Variants in OTUD7A observed in about 807,000 individuals in gnomAD.
The protein encoded by OTUD7A is OTU domain-containing protein 7A.
OTUD7A carries 12 observed loss-of-function variants against 65.7 expected under a neutral mutation model. That is an observed-to-expected ratio of 0.18 (90% CI 0.12 to 0.30). The LOEUF is 0.30. OTUD7A is among the 10% of genes least tolerant of loss of function. The pLI is 1.00. For synonymous variants in OTUD7A, 641 were observed against 586.3 expected (o/e 1.09, Z -1.35); for missense variants, 1,148 against 1,304.8 (o/e 0.88, Z 1.85).
intron 3 of OTUD7A, among the ~76,000 whole-genome samples, chr15:31,641,280 T>TC (rs1392048833): frequency 6.6e-6 from 1 of 152,204 alleles, no homozygotes; most frequent in Non-Finnish European, 1.5e-5. Context: ...TCCTGAGGCC[T>TC]CCCCAGTAAT....
At chr15:31,761,081 T>C (rs1894949626) in intron 1 of OTUD7A, among the ~76,000 whole-genome samples, 1 of 152,142 alleles carries the variant, frequency 6.6e-6, no homozygotes, top group Non-Finnish European at 1.5e-5. Flanking sequence ...TAACAACACT[T>C]AGAAGAAAAC....
intron 10 of OTUD7A, among the ~76,000 whole-genome samples, chr15:31,497,818 G>A (rs570789821): frequency 2.6e-5 from 4 of 152,134 alleles, no homozygotes; most frequent in African/African-American, 9.7e-5. Context: ...CCCTGGGGAT[G>A]GTTCCTCCTT....
At chr15:31,844,516 G>T (rs1011725939) in intron 1 of OTUD7A, among the ~76,000 whole-genome samples, 13 of 152,136 alleles carry the variant, frequency 8.5e-5, no homozygotes, top group African/African-American at 3.1e-4. Flanking sequence ...AATAAAATAA[G>T]AATCACACAC....
rs1313241773 is a variant in OTUD7A, at chr15:31,484,580, CCTT to C, written c.1513_1515del (p.Lys505del). On this transcript the variant is annotated inframe_deletion, in exon 13 of 13. Transcript: ENST00000307050. The surrounding 1 kb of genome is among the most constrained non-coding windows in gnomAD (Gnocchi z 4.5). Reference sequence around the variant, plus strand: ...TTGTCCTTCTCCTTGCGCTGCTTCTCCTTCTCCTTGTCCTTGCCGTTCTTGCCG... The same window carrying C: ...TTGTCCTTCTCCTTGCGCTGCTTCTCCTCCTTGTCCTTGCCGTTCTTGCCG... 3 of 1,610,834 alleles carry C rather than the reference CCTT, an allele frequency of 1.9e-6. No individual in the cohort carries two copies. The highest frequency in any genetic ancestry group is 1.7e-5 in the Admixed American group (1 of 59,788).
At chr15:31,698,599 C>G (rs1024545451) in intron 1 of OTUD7A, among the ~76,000 whole-genome samples, 1 of 151,582 alleles carries the variant, frequency 6.6e-6, no homozygotes, top group Admixed American at 6.6e-5. Flanking sequence ...TAAAGGCTAC[C>G]GAGGCCTGGG....
At position 31,643,966 on chromosome 15, in the gene OTUD7A, G is replaced by A. The variant is rs114545176; in HGVS notation, c.151+11130C>T. 2.5e-3 allele frequency among the ~76,000 whole-genome samples: 388 copies of A among 152,262 alleles called. 4 individuals are homozygous for A. Among genetic ancestry groups the A allele is most frequent in the African/African-American group, 8.6e-3 (359 of 41,552 alleles). On this transcript the variant is annotated intron_variant, in intron 3 of 12. Coordinates refer to ENST00000307050, the MANE Select transcript of OTUD7A (RefSeq NM_001382637.1). ...CAGATAAGGAAGCTGGAGCTTGCAC[G>A]GGGGGATGCTTGCAGCTGCACAGAC... is the stretch of plus-strand genomic sequence containing the variant.
At chr15:31,794,166 A>G (rs1895890408) in intron 1 of OTUD7A, among the ~76,000 whole-genome samples, 1 of 152,128 alleles carries the variant, frequency 6.6e-6, no homozygotes, top group African/African-American at 2.4e-5. Flanking sequence ...ATAGAAGCTT[A>G]CCCTGTGGAT....
At chr15:31,644,162 A>C (rs1213711802) in intron 3 of OTUD7A, among the ~76,000 whole-genome samples, 1 of 151,934 alleles carries the variant, frequency 6.6e-6, no homozygotes, top group Non-Finnish European at 1.5e-5. Flanking sequence ...CAGATGGCAC[A>C]CCTGGGGTTT....
intron 1 of OTUD7A, among the ~76,000 whole-genome samples, chr15:31,734,195 CAGGGAGG>C: frequency 6.6e-6 from 1 of 152,044 alleles, no homozygotes; most frequent in Non-Finnish European, 1.5e-5. Context: ...TACAGCTAAC[CAGGGAGG>C]TTAAAAATCT....
intron 1 of OTUD7A, among the ~76,000 whole-genome samples, chr15:31,749,192 C>T (rs773436325): frequency 2.0e-5 from 3 of 151,942 alleles, no homozygotes; most frequent in South Asian, 2.1e-4. Flanking sequence ...CGTTAAATGA[C>T]GAGTTAATGG....
intron 1 of OTUD7A, among the ~76,000 whole-genome samples, chr15:31,781,973 T>C (rs551644538): frequency 2.0e-5 from 3 of 152,356 alleles, no homozygotes; most frequent in African/African-American, 7.2e-5. Context: ...CTAGTGAGAA[T>C]TGAACACAGT....
At chr15:31,767,970 T>A in intron 1 of OTUD7A, 1 of 1,567,302 alleles carries the variant, frequency 6.4e-7, no homozygotes. Context: ...ATACGATTCT[T>A]AAGAAATTTC....
At chr15:31,848,543 A>G (rs959793386) in intron 1 of OTUD7A, among the ~76,000 whole-genome samples, 29 of 152,190 alleles carry the variant, frequency 1.9e-4, no homozygotes, top group African/African-American at 6.0e-4. Context: ...CCCAGCCATC[A>G]ACCTCTAAGC....
intron 3 of OTUD7A, among the ~76,000 whole-genome samples, chr15:31,603,082 GA>G (rs1220604699): frequency 1.3e-5 from 2 of 152,054 alleles, no homozygotes; most frequent in Non-Finnish European, 2.9e-5. Flanking sequence ...CACAGAATTG[GA>G]AAAAACTACT....
At chr15:31,566,008 C>T (rs1013187344) in intron 4 of OTUD7A, among the ~76,000 whole-genome samples, 10 of 151,990 alleles carry the variant, frequency 6.6e-5, no homozygotes, top group Admixed American at 2.0e-4. Context: ...CTGGCTAACA[C>T]GGTGAAACCT....
intron 1 of OTUD7A, among the ~76,000 whole-genome samples, chr15:31,694,885 G>A (rs1372692019): frequency 9.3e-5 from 14 of 150,556 alleles, no homozygotes; most frequent in South Asian, 2.1e-4. Flanking sequence ...TTGCTCTGTC[G>A]CCCAGGTTGG....
intron 1 of OTUD7A, among the ~76,000 whole-genome samples, chr15:31,749,683 A>G (rs1476777820): frequency 2.0e-5 from 3 of 152,198 alleles, no homozygotes; most frequent in Admixed American, 6.5e-5. Context: ...CGTATTCAAC[A>G]TAGTGCTGGA....
Position 31,480,865 on chromosome 15 carries a change from T to C in OTUD7A, c.*2429A>G, listed in dbSNP as rs981824083. On this transcript the variant is annotated 3_prime_UTR_variant, in exon 13 of 13. Transcript: ENST00000307050. The stretch of plus-strand genomic sequence containing the variant: ...GGCGTCTGGCGCCTCGTTACCACAT[T>C]GAGAAGCTGGGGTGCAGGATGCAGC... 6.6e-6 allele frequency: 1 copy of C among 152,254 alleles called. No homozygotes were observed. Among genetic ancestry groups the C allele is most frequent in the Non-Finnish European group, 1.5e-5 (1 of 68,058 alleles). The allele number at this position is 152,254 out of a possible 1,614,324, so 9.4% of individuals were successfully genotyped here.
intron 3 of OTUD7A, among the ~76,000 whole-genome samples, chr15:31,586,546 C>T (rs943647279): frequency 1.3e-5 from 2 of 152,190 alleles, no homozygotes; most frequent in African/African-American, 2.4e-5. Flanking sequence ...TGGGCAACTT[C>T]TGCCTCCTCT....
Sources: gnomAD v4.1 joint callset for allele counts (sites outside exome capture counted in the v4.1 genomes callset) on GRCh38, gnomAD v4.1.1 for gene constraint, Gnocchi (gnomAD v3.1) non-coding constraint, MANE v1.5 for transcripts, NCBI Gene and HGNC (gene_info 2026-07-23, HGNC 2026-07-21) for gene names.